PNPLA7: variants seen among roughly 807,000 people sequenced by gnomAD.
The protein encoded by PNPLA7 is patatin-like phospholipase domain-containing protein 7.
PNPLA7 carries 153 observed loss-of-function variants against 161.7 expected under a neutral mutation model. The ratio of observed to expected loss-of-function variants is 0.95; its 90% CI spans 0.83 to 1.08. The LOEUF is 1.08. Ranked by LOEUF, PNPLA7 falls within the 50% of genes least tolerant of loss-of-function variation. The probability of loss-of-function intolerance (pLI) is 0.00; values close to 1 mark genes in which losing one functional copy is unlikely to be tolerated. For missense variants in PNPLA7, 1,739 were observed against 1,856.6 expected, an observed-to-expected ratio of 0.94 and a Z score of 1.16; for synonymous variants, 809 against 782.1, an observed-to-expected ratio of 1.03 and a Z score of -0.57.
rs534025771 is a variant in PNPLA7, at chr9:137,468,533, G to A, written c.2883-1060C>T. Among the ~76,000 whole-genome samples, 10 of 152,172 alleles carry A rather than the reference G, an allele frequency of 6.6e-5. No individual in the cohort carries two copies. Among genetic ancestry groups the A allele is most frequent in the African/African-American group, 2.4e-4 (10 of 41,506 alleles). Reference sequence around the variant, plus strand: ...GGGAGCTCGGATGCAAGCCACAGCTGGGGGGGACCCTGGAGGCATTTGCTG... The same window carrying A: ...GGGAGCTCGGATGCAAGCCACAGCTAGGGGGGACCCTGGAGGCATTTGCTG... On this transcript the variant is annotated intron_variant, in intron 25 of 34. Coordinates refer to ENST00000406427, the MANE Select transcript of PNPLA7 (RefSeq NM_001098537.3). This position sits in a 1 kb window ranked among gnomAD's most constrained non-coding sequence, Gnocchi z 4.0.
At position 137,476,844 on chromosome 9, in the gene PNPLA7, C is replaced by T. The variant is rs985438707; in HGVS notation, c.2882+1190G>A. ...CATTGAACTGCTGTAGGCCAACTTC[C>T]GCAGCTTTCAAGAGAAAATGTGGCA... On this transcript the variant is annotated intron_variant, in intron 25 of 34. Coordinates refer to ENST00000406427, the MANE Select transcript of PNPLA7 (RefSeq NM_001098537.3). The surrounding 1 kb of genome is among the most constrained non-coding windows in gnomAD (Gnocchi z 4.5). Among the ~76,000 whole-genome samples the T allele has an allele frequency of 2.0e-5, 3 of 152,204 alleles. No homozygotes were observed. The highest frequency in any genetic ancestry group is 4.8e-5 in the African/African-American group (2 of 41,460).
intron 8 of PNPLA7, among the ~76,000 whole-genome samples, chr9:137,536,151 AC>A (rs1835878181): frequency 6.8e-6 from 1 of 146,376 alleles, no homozygotes; most frequent in African/African-American, 2.5e-5. Flanking sequence ...AGACTCCATC[AC>A]AAAAAAAAAA....
chr9:137,540,703 A>G lies in PNPLA7; in HGVS notation c.686T>C (p.Val229Ala). 1.2e-6 allele frequency: 2 copies of G among 1,611,488 alleles called. No individual in the cohort carries two copies. The highest frequency in any genetic ancestry group is 1.7e-6 in the Non-Finnish European group (2 of 1,179,124). The change falls in exon 8 of 35, where the codon GTG becomes GCG. Residue 229 changes from valine (V) to alanine (A), a missense_variant. Transcript: ENST00000406427. The surrounding 1 kb of genome is among the most constrained non-coding windows in gnomAD (Gnocchi z 5.1). ...IQDTDGTEVVVKEVLAGDSVH... is the reference protein window; with the variant it reads ...IQDTDGTEVVAKEVLAGDSVH... ...GCTGTCTCCCGCCAGAACCTCTTTC[A>G]CCACCACCTCGGTGCCGTCCTGCGC...
At chr9:137,539,684 T>A (rs1836084694) in intron 8 of PNPLA7, among the ~76,000 whole-genome samples, 1 of 152,188 alleles carries the variant, frequency 6.6e-6, no homozygotes, top group Non-Finnish European at 1.5e-5. Flanking sequence ...CTAGTTAATG[T>A]TGGGCACATG....
chr9:137,491,758 C>A, intron 20 of PNPLA7: 1 of 985,460 alleles, frequency 1.0e-6, no homozygotes, highest in African/African-American at 1.7e-5. Flanking sequence ...CAATGCTGTG[C>A]ACACGTCACT....
chr9:137,525,317 C>A (rs1429657223), intron 8 of PNPLA7, among the ~76,000 whole-genome samples: 2 of 152,148 alleles, frequency 1.3e-5, no homozygotes, highest in African/African-American at 2.4e-5. Flanking sequence ...AATAAAGACA[C>A]AAGACAAAGA....
At chr9:137,534,660 C>T (rs901649870) in intron 8 of PNPLA7, among the ~76,000 whole-genome samples, 5 of 152,226 alleles carry the variant, frequency 3.3e-5, no homozygotes, top group African/African-American at 1.2e-4. Context: ...GGGAGTGTCC[C>T]CTGTTAACGA....
intron 8 of PNPLA7, among the ~76,000 whole-genome samples, chr9:137,531,465 G>A (rs568532932): frequency 6.6e-6 from 1 of 152,308 alleles, no homozygotes; most frequent in South Asian, 2.1e-4. Context: ...ATGCTGGGAA[G>A]CCCAGGTGGA....
intron 8 of PNPLA7, among the ~76,000 whole-genome samples, chr9:137,525,540 G>A (rs1035928593): frequency 6.6e-5 from 10 of 152,194 alleles, no homozygotes; most frequent in African/African-American, 2.4e-4. Flanking sequence ...CCGAGGCGGA[G>A]AGAGAATGGG....
In PNPLA7 at chr9:137,524,404, T is replaced by C. The variant is rs1835194845; in HGVS notation, c.748-1547A>G. Among the ~76,000 whole-genome samples the C allele has an allele frequency of 6.6e-6, 1 of 151,360 alleles. No homozygotes were observed. The highest frequency in any genetic ancestry group is 1.5e-5 in the Non-Finnish European group (1 of 67,762). The stretch of plus-strand genomic sequence containing the variant: ...CCTTGGCTCCTGAGTGCTGGCTGCC[T>C]CATGGAGGCCTTGCAGTGTCTCCTC... On this transcript the variant is annotated intron_variant, in intron 8 of 34. Transcript: ENST00000406427. The surrounding 1 kb of genome is among the most constrained non-coding windows in gnomAD (Gnocchi z 4.4).
At chr9:137,464,766 G>A in intron 26 of PNPLA7, 1 of 390,234 alleles carries the variant, frequency 2.6e-6, no homozygotes, top group Admixed American at 4.0e-5. Context: ...GGCTTTGCCT[G>A]CTCAGCTCTG....
chr9:137,478,894 G>A lies in PNPLA7; in HGVS notation c.2763+162C>T. 5 of 1,054,598 alleles carry A rather than the reference G, an allele frequency of 4.7e-6. No homozygotes were observed. The South Asian group carries it at 7.9e-5, about 17-fold the overall frequency. The allele number at this position is 1,054,598 out of a possible 1,614,324, so 65.3% of individuals were successfully genotyped here. A position where few individuals can be genotyped will look rare whatever the true frequency, so the allele number is the denominator to read the frequency against. On this transcript the variant is annotated intron_variant, in intron 24 of 34. Transcript: ENST00000406427. ...GCCGTGGCCACCAGAGGCCCAAAGG[G>A]CAAGATGAAGGAGACGTGAGGCAGG...
In PNPLA7 at chr9:137,499,875, G is replaced by T. The variant is rs1221458021; in HGVS notation, c.1757+816C>A. On this transcript the variant is annotated intron_variant, in intron 16 of 34. Coordinates refer to ENST00000406427, the MANE Select transcript of PNPLA7 (RefSeq NM_001098537.3). The surrounding 1 kb of genome is among the most constrained non-coding windows in gnomAD (Gnocchi z 5.5). ...GCTGCCCAACCACTCAGGCAGAAGAGCTCTGAGACCACAGCAGACATCTGG... is the reference window on the plus strand; with the variant it reads ...GCTGCCCAACCACTCAGGCAGAAGATCTCTGAGACCACAGCAGACATCTGG... 6.6e-6 allele frequency among the ~76,000 whole-genome samples: 1 copy of T among 152,264 alleles called. No homozygotes were observed. Among genetic ancestry groups the T allele is most frequent in the Non-Finnish European group, 1.5e-5 (1 of 68,044 alleles).
intron 21 of PNPLA7, 102 bp from the exon 22 acceptor site, chr9:137,481,125 C>T (rs566178258): frequency 1.6e-5 from 20 of 1,249,652 alleles, no homozygotes; most frequent in East Asian, 1.3e-4. Flanking sequence ...AGCCAGGCAC[C>T]GACGCCCAGC....
chr9:137,470,536 A>C (rs1831660157), intron 25 of PNPLA7, among the ~76,000 whole-genome samples: 1 of 152,208 alleles, frequency 6.6e-6, no homozygotes, highest in Non-Finnish European at 1.5e-5. Context: ...CACTGTCTCA[A>C]AGAAAATAAA....
chr9:137,498,056 C>G (rs1326995990), intron 17 of PNPLA7, 58 bp downstream of exon 17: 7 of 1,581,174 alleles, frequency 4.4e-6, no homozygotes, highest in Non-Finnish European at 6.0e-6. Context: ...TTGCCCATCC[C>G]CAGCTCCTGC....
At position 137,532,458 on chromosome 9, in the gene PNPLA7, G is replaced by A. The variant is rs145558627; in HGVS notation, c.747+8184C>T. Reference sequence around the variant, plus strand: ...TCCAAAAAAGAAAGGTAAGTTGAAGGTAAATGCTTATCTTTGTCCCCTTGT... The same window carrying A: ...TCCAAAAAAGAAAGGTAAGTTGAAGATAAATGCTTATCTTTGTCCCCTTGT... On this transcript the variant is annotated intron_variant, in intron 8 of 34. Coordinates refer to ENST00000406427, the MANE Select transcript of PNPLA7 (RefSeq NM_001098537.3). Among the ~76,000 whole-genome samples, 1,052 of 152,268 alleles carry A rather than the reference G, an allele frequency of 6.9e-3. 7 individuals carry two copies. Among genetic ancestry groups the A allele is most frequent in the Non-Finnish European group, 0.012 (795 of 68,024 alleles).
At position 137,543,473 on chromosome 9, in the gene PNPLA7, A is replaced by G. The variant is rs1432492620; in HGVS notation, c.465T>C (p.Ser155=). 1.1e-5 allele frequency: 18 copies of G among 1,614,118 alleles called. No individual in the cohort carries two copies. Among genetic ancestry groups the G allele is most frequent in the Non-Finnish European group, 1.4e-5 (16 of 1,180,030 alleles). ...TGTACAGAACTTCCGATGGCAGGTG[A>G]GAATTCTTCACGTCAAACTCCGTGA... The part of the protein sequence containing the change: ...ADLTEFDVKN[S]HLPSEVLYML... Residue 155 remains serine (S), a synonymous_variant, in exon 6 of 35, where the codon TCT becomes TCC. Coordinates refer to ENST00000406427, the MANE Select transcript of PNPLA7 (RefSeq NM_001098537.3). This position sits in a 1 kb window ranked among gnomAD's most constrained non-coding sequence, Gnocchi z 6.9.
chr9:137,478,293 G>A, intron 24 of PNPLA7, 141 bp from the exon 25 acceptor site: 1 of 581,126 alleles, frequency 1.7e-6, no homozygotes. Flanking sequence ...AGCAGGCCCT[G>A]CCTGATACGA....
Sources: gnomAD v4.1 joint callset for allele counts (sites outside exome capture counted in the v4.1 genomes callset) on GRCh38, gnomAD v4.1.1 for gene constraint, Gnocchi (gnomAD v3.1) non-coding constraint, MANE v1.5 for transcripts, NCBI Gene and HGNC (gene_info 2026-07-23, HGNC 2026-07-21) for gene names.